The following CHSY3 variants were observed in gnomAD, a reference collection of about 807,000 sequenced individuals.
The protein encoded by CHSY3 is chondroitin sulfate synthase 3.
CHSY3 carries 35 observed loss-of-function variants against 67.2 expected under a neutral mutation model. The ratio of observed to expected loss-of-function variants is 0.52; its 90% confidence interval spans 0.40 to 0.69. The LOEUF is 0.69. Ranked by LOEUF, CHSY3 falls within the 30% of genes least tolerant of loss-of-function variation. The pLI is 0.00. For missense variants in CHSY3, 1,069 were observed against 1,138.5 expected (o/e 0.94, Z 0.88); for synonymous variants, 474 against 434.7 (o/e 1.09, Z -1.12).
intron 2 of CHSY3, among the ~76,000 whole-genome samples, chr5:130,118,769 A>G (rs1308099602): frequency 2.0e-5 from 3 of 152,002 alleles, no homozygotes; most frequent in Non-Finnish European, 4.4e-5. Flanking sequence ...GCACTTTATT[A>G]AAGTGCTTTA....
intron 2 of CHSY3, among the ~76,000 whole-genome samples, chr5:130,096,244 C>T (rs564774082): frequency 1.3e-5 from 2 of 152,318 alleles, no homozygotes; most frequent in African/African-American, 2.4e-5. Flanking sequence ...GCAGCCTCAG[C>T]TCACTGCAAC....
At chr5:130,121,372 T>A (rs566204787) in intron 2 of CHSY3, among the ~76,000 whole-genome samples, 5 of 152,338 alleles carry the variant, frequency 3.3e-5, no homozygotes, top group African/African-American at 1.2e-4. Flanking sequence ...ATTTTTCTAA[T>A]GTATTTAGAG....
Position 129,972,012 on chromosome 5 carries a change from C to T in CHSY3, c.1086+63652C>T, listed in dbSNP as rs572228415. Among the ~76,000 whole-genome samples, 181 of 152,136 alleles carry T rather than the reference C, an allele frequency of 1.2e-3. 2 individuals are homozygous for T. In the South Asian group the frequency reaches 0.035, roughly 30 times the overall value. On this transcript the variant is annotated intron_variant, in intron 2 of 2. Coordinates refer to ENST00000305031, the MANE Select transcript of CHSY3 (RefSeq NM_175856.5). ...TGTTGAAGGGCTGCTTCCCCTAGAG[C>T]ACTTCTAACTGTGCCTTGTTTAACC... is the stretch of plus-strand genomic sequence containing the variant.
chr5:130,019,486 C>T (rs922774670), intron 2 of CHSY3, among the ~76,000 whole-genome samples: 1 of 152,164 alleles, frequency 6.6e-6, no homozygotes, highest in African/African-American at 2.4e-5. Context: ...CACTTGGTCC[C>T]ATCACTAACT....
intron 2 of CHSY3, among the ~76,000 whole-genome samples, chr5:129,955,257 T>C (rs953746620): frequency 1.3e-5 from 2 of 152,114 alleles, no homozygotes; most frequent in African/African-American, 4.8e-5. Flanking sequence ...GAAAATTAAG[T>C]ATCCCCCTCT....
chr5:129,949,693 C>T (rs183880094), intron 2 of CHSY3, among the ~76,000 whole-genome samples: 14 of 152,216 alleles, frequency 9.2e-5, no homozygotes, highest in East Asian at 1.9e-4. Context: ...CCCTGATGAA[C>T]ATACATACAA....
intron 2 of CHSY3, among the ~76,000 whole-genome samples, chr5:130,092,945 C>G (rs754913482): frequency 6.6e-6 from 1 of 152,150 alleles, no homozygotes; most frequent in Middle Eastern, 3.2e-3. Context: ...TCTCATTGTT[C>G]AAATCCAATG....
chr5:129,927,937 A>G (rs978814350), intron 2 of CHSY3, among the ~76,000 whole-genome samples: 1 of 152,042 alleles, frequency 6.6e-6, no homozygotes, highest in Non-Finnish European at 1.5e-5. Flanking sequence ...CACAATTCCT[A>G]GGAAAAATGA....
chr5:129,910,979 A>G (rs1166130996), intron 2 of CHSY3, among the ~76,000 whole-genome samples: 1 of 135,380 alleles, frequency 7.4e-6, no homozygotes, highest in South Asian at 2.3e-4. Flanking sequence ...AAATTTTAGG[A>G]TTTTTTTTTT....
At chr5:130,105,138 G>A (rs370910502) in intron 2 of CHSY3, among the ~76,000 whole-genome samples, 1 of 151,602 alleles carries the variant, frequency 6.6e-6, no homozygotes, top group South Asian at 2.1e-4. Flanking sequence ...ATGAATATGA[G>A]ATGAAGGCAG....
chr5:129,905,261 G>T lies in CHSY3; in HGVS notation c.432G>T (p.Gln144His). Residue 144 changes from glutamine (Q) to histidine (H), a missense_variant, in exon 1 of 3, where the codon CAG becomes CAT. By Grantham distance (24) the Gln-to-His change is conservative. This residue lies in a region of CHSY3 where 309 missense variants were observed against 262.5 expected (regional missense o/e 1.18). Transcript: ENST00000305031. Reference sequence around the variant, plus strand: ...AGGAGGACGGGGGCGCGGCTGGGCAGCGGAGAGACGGCCGGCCGGGGAGTA... The same window carrying T: ...AGGAGGACGGGGGCGCGGCTGGGCATCGGAGAGACGGCCGGCCGGGGAGTA... Reference protein sequence around the residue: ...PEEEDGGAAGQRRDGRPGSSH... With the variant: ...PEEEDGGAAGHRRDGRPGSSH... The T allele has an allele frequency of 2.1e-6, 3 of 1,455,688 alleles. No individual in the cohort carries two copies. Among genetic ancestry groups the T allele is most frequent in the Non-Finnish European group, 2.7e-6 (3 of 1,107,118 alleles). The allele number at this position is 1,455,688 out of a possible 1,614,324, so 90.2% of individuals were successfully genotyped here.
In CHSY3 at chr5:129,961,088, T is replaced by C. The variant is rs1216419452; in HGVS notation, c.1086+52728T>C. 8.5e-5 allele frequency among the ~76,000 whole-genome samples: 13 copies of C among 152,136 alleles called. No individual in the cohort carries two copies. In the East Asian group the frequency reaches 2.3e-3, roughly 27 times the overall value. On this transcript the variant is annotated intron_variant, in intron 2 of 2. Coordinates refer to ENST00000305031, the MANE Select transcript of CHSY3 (RefSeq NM_175856.5). ...CTTTTCACCATAAATGGTACAGACA[T>C]GAGTTTTCAGAAAACGGGCAATGGA... is the stretch of plus-strand genomic sequence containing the variant.
chr5:130,092,859 A>C (rs1766924761), intron 2 of CHSY3, among the ~76,000 whole-genome samples: 1 of 152,300 alleles, frequency 6.6e-6, no homozygotes, highest in Middle Eastern at 3.4e-3. Context: ...GGAATTAGGG[A>C]GTGGTAAGAA....
At chr5:129,939,262 T>A (rs1014066686) in intron 2 of CHSY3, among the ~76,000 whole-genome samples, 1 of 152,120 alleles carries the variant, frequency 6.6e-6, no homozygotes, top group African/African-American at 2.4e-5. Context: ...TTCAGTCACC[T>A]CCTACCAGGC....
chr5:130,055,383 C>T (rs1370611611), intron 2 of CHSY3, among the ~76,000 whole-genome samples: 1 of 150,744 alleles, frequency 6.6e-6, no homozygotes, highest in Non-Finnish European at 1.5e-5. Flanking sequence ...TACGTGGCTA[C>T]AATAAGTAAA....
chr5:130,185,563 T>C lies in CHSY3; in HGVS notation c.2421T>C (p.Asp807=), dbSNP rs200249571. Residue 807 remains aspartate (D), a synonymous_variant, in exon 3 of 3, where the codon GAT becomes GAC. Coordinates refer to ENST00000305031, the MANE Select transcript of CHSY3 (RefSeq NM_175856.5). ...CAATACAAGGCTGGGGACTAGAAGATGTAGATCTCTACAATAAAGTCATTC... is the reference window on the plus strand; with the variant it reads ...CAATACAAGGCTGGGGACTAGAAGACGTAGATCTCTACAATAAAGTCATTC... ...DTSIQGWGLE[D]VDLYNKVILS... 167 of 1,614,138 alleles carry C rather than the reference T, an allele frequency of 1.0e-4. No homozygotes were observed. The highest frequency in any genetic ancestry group is 1.6e-4 in the Middle Eastern group (1 of 6,062).
chr5:129,963,273 T>A (rs1762385459), intron 2 of CHSY3, among the ~76,000 whole-genome samples: 1 of 152,034 alleles, frequency 6.6e-6, no homozygotes, highest in Admixed American at 6.6e-5. Context: ...ACTATTTTCA[T>A]CTACTACCTT....
intron 2 of CHSY3, among the ~76,000 whole-genome samples, chr5:130,083,614 G>A (rs1337926440): frequency 6.6e-6 from 1 of 151,978 alleles, no homozygotes; most frequent in Non-Finnish European, 1.5e-5. Flanking sequence ...ATGAGAAATA[G>A]AAATGAATGT....
chr5:130,046,635 A>T (rs1176028490), intron 2 of CHSY3, among the ~76,000 whole-genome samples: 1 of 152,138 alleles, frequency 6.6e-6, no homozygotes, highest in African/African-American at 2.4e-5. Context: ...ATTGTCAATT[A>T]GAATGTGCTA....
Sources: allele counts gnomAD v4.1 joint callset (sites outside exome capture counted in the v4.1 genomes callset), GRCh38; gene constraint gnomAD v4.1.1; regional missense constraint gnomAD v4.1.1; transcripts MANE v1.5; gene names NCBI Gene and HGNC (gene_info 2026-07-23, HGNC 2026-07-21).